USP13: variants seen among roughly 807,000 people sequenced by gnomAD.
USP13 encodes the protein ubiquitin specific peptidase 13, also known as ubiquitin carboxyl-terminal hydrolase 13.
A neutral mutation model predicts 107.8 loss-of-function variants in USP13; 68 were observed. That is an observed-to-expected ratio of 0.63 (90% CI 0.52 to 0.77). USP13 has a LOEUF of 0.77. Among genes scored for constraint, USP13 ranks in the 30% least tolerant of loss-of-function variants. The pLI, the probability that USP13 is intolerant of heterozygous loss-of-function variation, is 0.00. For synonymous variants in USP13, 377 were observed against 389.5 expected (o/e 0.97, Z 0.38); for missense variants, 945 against 1,093.3 (o/e 0.86, Z 1.91).
intron 1 of USP13, among the ~76,000 whole-genome samples, chr3:179,677,989 C>T (rs1033908127): frequency 1.3e-5 from 2 of 152,118 alleles, no homozygotes; most frequent in Non-Finnish European, 2.9e-5. Flanking sequence ...ATATATTTCA[C>T]CCCCTTTAAA....
Position 179,730,606 on chromosome 3 carries a change from T to C in USP13, c.1161-10T>C. On this transcript the variant is annotated splice_polypyrimidine_tract_variant and intron_variant, in intron 9 of 20. Coordinates refer to ENST00000263966, the MANE Select transcript of USP13 (RefSeq NM_003940.3). ...TGACCTTTTTGTTTCTGTTTCTCTG[T>C]CCTGGCCAGGACTAAGTTAGGACAT... is the stretch of plus-strand genomic sequence containing the variant. The C allele has an allele frequency of 6.2e-7, 1 of 1,610,580 alleles. No homozygotes were observed. The highest frequency in any genetic ancestry group is 1.3e-5 in the African/African-American group (1 of 74,998).
Position 179,727,970 on chromosome 3 carries a change from G to A in USP13, c.1089-2219G>A, listed in dbSNP as rs1713607063. Among the ~76,000 whole-genome samples, 2 of 63,906 alleles carry A rather than the reference G, an allele frequency of 3.1e-5. 1 individual carries two copies. Among genetic ancestry groups the A allele is most frequent in the South Asian group, 1.2e-3 (2 of 1,722 alleles). The allele number at this position is 63,906 out of a possible 152,430, so 41.9% of individuals were successfully genotyped here. ...TCGGACGAGGCGGCTGGCTGGGCGG[G>A]GGGCTGACCCCCCCACCTCCCTCCC... is the stretch of plus-strand genomic sequence containing the variant. On this transcript the variant is annotated intron_variant, in intron 8 of 20. Transcript: ENST00000263966.
At chr3:179,782,602 C>T (rs1277497779) in intron 20 of USP13, among the ~76,000 whole-genome samples, 2 of 152,148 alleles carry the variant, frequency 1.3e-5, no homozygotes, top group African/African-American at 4.8e-5. Context: ...CATGTGGATG[C>T]TGGAGAAATG....
At chr3:179,710,753 C>T (rs922908843) in intron 6 of USP13, among the ~76,000 whole-genome samples, 3 of 152,234 alleles carry the variant, frequency 2.0e-5, no homozygotes, top group African/African-American at 7.2e-5. Context: ...GCCTCCTTCA[C>T]AACCAAGCTA....
At chr3:179,689,473 AC>A (rs1031288042) in intron 2 of USP13, among the ~76,000 whole-genome samples, 1 of 152,032 alleles carries the variant, frequency 6.6e-6, no homozygotes, top group African/African-American at 2.4e-5. Context: ...CCTGACCAAC[AC>A]AGTGAAACCC....
chr3:179,775,339 G>A (rs1458909630), intron 19 of USP13, among the ~76,000 whole-genome samples: 2 of 152,114 alleles, frequency 1.3e-5, no homozygotes, highest in Non-Finnish European at 2.9e-5. Context: ...AGTACTGATC[G>A]GTGCATCCAT....
At chr3:179,731,050 CA>C (rs762720739) in intron 10 of USP13, among the ~76,000 whole-genome samples, 36 of 152,292 alleles carry the variant, frequency 2.4e-4, no homozygotes, top group Non-Finnish European at 5.0e-4. Context: ...TCGGCACTTA[CA>C]GTGTCTTCCT....
At position 179,671,901 on chromosome 3, in the gene USP13, A is replaced by G. The variant is rs539022571; in HGVS notation, c.169-9977A>G. On this transcript the variant is annotated intron_variant, in intron 1 of 20. Coordinates refer to ENST00000263966, the MANE Select transcript of USP13 (RefSeq NM_003940.3). ...TGTTGTGACTCCATCTACCTACATC[A>G]TGTTTCTCTTTGCAGCAATGACCGC... Among the ~76,000 whole-genome samples, 4 of 152,214 alleles carry G rather than the reference A, an allele frequency of 2.6e-5. No homozygotes were observed. The South Asian group carries it at 8.3e-4, about 32-fold the overall frequency.
At chr3:179,661,487 G>T (rs536998054) in intron 1 of USP13, among the ~76,000 whole-genome samples, 2 of 151,590 alleles carry the variant, frequency 1.3e-5, no homozygotes, top group Admixed American at 1.3e-4. Flanking sequence ...TCTCTGAACT[G>T]TGAGTTTCAT....
intron 16 of USP13, among the ~76,000 whole-genome samples, chr3:179,758,285 C>T (rs553227930): frequency 6.6e-6 from 1 of 152,172 alleles, no homozygotes; most frequent in Admixed American, 6.5e-5. Context: ...CTGTGGAGAG[C>T]TGGCCTGCAG....
rs558891239 is a variant in USP13, at chr3:179,721,716, C to T, written c.1088+127C>T. ...GACATTTTGCCACCTTTTCTCTGGCCTGCCTTCTACAGAGACTGGGTGAGA... is the reference window on the plus strand; with the variant it reads ...GACATTTTGCCACCTTTTCTCTGGCTTGCCTTCTACAGAGACTGGGTGAGA... On this transcript the variant is annotated intron_variant, in intron 8 of 20. Coordinates refer to ENST00000263966, the MANE Select transcript of USP13 (RefSeq NM_003940.3). This position sits in a 1 kb window ranked among gnomAD's most constrained non-coding sequence, Gnocchi z 4.3. The T allele has an allele frequency of 2.0e-6, 2 of 983,198 alleles. No homozygotes were observed. Among genetic ancestry groups the T allele is most frequent in the African/African-American group, 3.3e-5 (2 of 61,214 alleles). 60.9% of individuals were successfully genotyped at this position (983,198 alleles called of 1,614,324 possible). A position where few individuals can be genotyped will look rare whatever the true frequency, so the allele number is the denominator to read the frequency against.
intron 2 of USP13, among the ~76,000 whole-genome samples, chr3:179,682,760 G>T (rs1711711241): frequency 6.6e-6 from 1 of 152,136 alleles, no homozygotes; most frequent in Non-Finnish European, 1.5e-5. Flanking sequence ...CTACTGTAAA[G>T]AATGCAGCAA....
In USP13 at chr3:179,653,603, C is replaced by T. The variant is rs966930501; in HGVS notation, c.168+210C>T. ...GCTCGTGCTGGTGGTTTTGCTCCGC[C>T]AGCCTCCCCAGGCTGGAAGGGCCCG... On this transcript the variant is annotated intron_variant, in intron 1 of 20. Transcript: ENST00000263966. This position sits in a 1 kb window ranked among gnomAD's most constrained non-coding sequence, Gnocchi z 4.0. 4.6e-6 allele frequency: 3 copies of T among 648,378 alleles called. No homozygotes were observed. Among genetic ancestry groups the T allele is most frequent in the Non-Finnish European group, 7.5e-6 (3 of 400,762 alleles). 40.2% of individuals were successfully genotyped at this position (648,378 alleles called of 1,614,324 possible). A position where few individuals can be genotyped will look rare whatever the true frequency, so the allele number is the denominator to read the frequency against.
chr3:179,684,788 T>A (rs1711809995), intron 2 of USP13, among the ~76,000 whole-genome samples: 1 of 152,134 alleles, frequency 6.6e-6, no homozygotes, highest in Non-Finnish European at 1.5e-5. Context: ...TCTTTTTTTT[T>A]TTCTGATGCT....
chr3:179,685,626 A>G (rs1224702333), intron 2 of USP13, among the ~76,000 whole-genome samples: 4 of 151,404 alleles, frequency 2.6e-5, no homozygotes, highest in African/African-American at 9.7e-5. Context: ...GAAATTTTAG[A>G]AAACTAAAAA....
intron 12 of USP13, among the ~76,000 whole-genome samples, chr3:179,743,202 T>A (rs1448932106): frequency 6.6e-6 from 1 of 151,766 alleles, no homozygotes; most frequent in East Asian, 1.9e-4. Context: ...AGTTGAACAT[T>A]GAGAACATAT....
chr3:179,775,357 A>C (rs1040674883), intron 19 of USP13, among the ~76,000 whole-genome samples: 7 of 148,756 alleles, frequency 4.7e-5, no homozygotes, highest in Non-Finnish European at 1.0e-4. Flanking sequence ...CATGAACCCC[A>C]AGCTAGACAC....
intron 1 of USP13, among the ~76,000 whole-genome samples, chr3:179,681,181 G>A (rs527852262): frequency 1.3e-5 from 2 of 152,306 alleles, no homozygotes; most frequent in South Asian, 4.1e-4. Flanking sequence ...ACCGCTGTGG[G>A]TGTCTGTGGA....
At chr3:179,773,033 TA>T (rs1184111252) in intron 19 of USP13, among the ~76,000 whole-genome samples, 2 of 152,216 alleles carry the variant, frequency 1.3e-5, no homozygotes, top group African/African-American at 4.8e-5. Context: ...ACTTGTTGTA[TA>T]TTGCGCCTGA....
Sources: gnomAD v4.1 joint callset for allele counts (sites outside exome capture counted in the v4.1 genomes callset) on GRCh38, gnomAD v4.1.1 for gene constraint, Gnocchi (gnomAD v3.1) non-coding constraint, MANE v1.5 for transcripts, NCBI Gene and HGNC (gene_info 2026-07-23, HGNC 2026-07-21) for gene names.